The following AOPEP variants were observed in gnomAD, a reference collection of about 807,000 sequenced individuals.
AOPEP encodes aminopeptidase O (putative), also known as aminopeptidase O.
AOPEP carries 77 observed loss-of-function variants against 98.1 expected under a neutral mutation model. That is an observed-to-expected ratio of 0.78 (90% CI 0.65 to 0.95). The LOEUF is 0.95. AOPEP is among the 40% of genes least tolerant of loss of function. The pLI is 0.00. For missense variants in AOPEP, 1,024 were observed against 1,024.7 expected (o/e 1.00, Z 0.01); for synonymous variants, 346 against 365.3 (o/e 0.95, Z 0.60).
At chr9:94,741,395 C>T (rs1052503010) in intron 1 of AOPEP, among the ~76,000 whole-genome samples, 4 of 152,024 alleles carry the variant, frequency 2.6e-5, no homozygotes, top group Non-Finnish European at 5.9e-5. Flanking sequence ...GCTTCAGCCC[C>T]CCGAGTAGCT....
intron 5 of AOPEP, among the ~76,000 whole-genome samples, chr9:94,907,085 C>G (rs751344773): frequency 3.9e-5 from 6 of 152,094 alleles, no homozygotes; most frequent in African/African-American, 7.2e-5. Context: ...GAACAAAAGG[C>G]CACCACCCTC....
At chr9:95,110,303 T>C in the AOPEP span, 9 of 1,014,536 alleles carry the variant, frequency 8.9e-6, no homozygotes, top group East Asian at 6.8e-5. Flanking sequence ...TGTGATGGAA[T>C]TGAACACATA....
the AOPEP span, among the ~76,000 whole-genome samples, chr9:95,129,894 C>T: frequency 6.6e-6 from 1 of 152,174 alleles, no homozygotes; most frequent in Non-Finnish European, 1.5e-5. Context: ...TGTGCATCCC[C>T]TTGGGCTAAC....
At chr9:94,810,715 A>G (rs1236770374) in intron 5 of AOPEP, among the ~76,000 whole-genome samples, 1 of 152,196 alleles carries the variant, frequency 6.6e-6, no homozygotes, top group African/African-American at 2.4e-5. Context: ...AGAGCTAGTT[A>G]GATCATGAGG....
chr9:95,034,298 T>A (rs1035475444), intron 13 of AOPEP, among the ~76,000 whole-genome samples: 4 of 152,246 alleles, frequency 2.6e-5, no homozygotes, highest in Non-Finnish European at 5.9e-5. Flanking sequence ...AGGAGATCTT[T>A]GACAAGGGAA....
At chr9:94,838,466 A>G (rs558116744) in intron 5 of AOPEP, among the ~76,000 whole-genome samples, 1 of 152,164 alleles carries the variant, frequency 6.6e-6, no homozygotes, top group Non-Finnish European at 1.5e-5. Context: ...CTCTTCTATA[A>G]TAACACATCT....
intron 3 of AOPEP, among the ~76,000 whole-genome samples, chr9:94,780,366 C>T (rs2133119517): frequency 6.6e-6 from 1 of 151,262 alleles, no homozygotes. Flanking sequence ...TTTTTTTTTC[C>T]CCAAATTCCA....
chr9:94,858,351 G>T (rs1380687510), intron 5 of AOPEP, among the ~76,000 whole-genome samples: 1 of 142,838 alleles, frequency 7.0e-6, no homozygotes, highest in Admixed American at 7.4e-5. Context: ...TCCTGTGTCT[G>T]CTGTAACAAA....
chr9:95,133,688 A>G, the AOPEP span, among the ~76,000 whole-genome samples: 10 of 152,218 alleles, frequency 6.6e-5, no homozygotes, highest in Non-Finnish European at 1.5e-5. Context: ...AATAGGGAGA[A>G]GACTTAAGGA....
the AOPEP span, among the ~76,000 whole-genome samples, chr9:95,129,427 C>G: frequency 6.6e-6 from 1 of 151,950 alleles, no homozygotes; most frequent in African/African-American, 2.4e-5. Flanking sequence ...TATCTTCCCC[C>G]CTAAATCTCT....
chr9:94,957,447 A>T (rs1454074845), intron 9 of AOPEP, among the ~76,000 whole-genome samples: 1 of 152,170 alleles, frequency 6.6e-6, no homozygotes, highest in Non-Finnish European at 1.5e-5. Context: ...ACTTCAGGTG[A>T]TCTGCCCACC....
intron 13 of AOPEP, among the ~76,000 whole-genome samples, chr9:95,021,413 C>CACCT (rs1439715144): frequency 1.3e-5 from 2 of 152,226 alleles, no homozygotes. Context: ...TGGGAAAAGG[C>CACCT]ACCTGCCTTT....
At chr9:95,123,411 G>A in the AOPEP span, 4 of 453,642 alleles carry the variant, frequency 8.8e-6, no homozygotes, top group Middle Eastern at 3.4e-4. Flanking sequence ...AGGCCAAGGT[G>A]GGAAGATTGC....
At chr9:95,068,012 T>TTA (rs2068089345) in intron 14 of AOPEP, among the ~76,000 whole-genome samples, 2 of 152,362 alleles carry the variant, frequency 1.3e-5, no homozygotes, top group South Asian at 4.1e-4. Context: ...GCATATATCA[T>TTA]TACTTCATTC....
chr9:94,927,121 C>A (rs2054471167), intron 6 of AOPEP, among the ~76,000 whole-genome samples: 1 of 152,182 alleles, frequency 6.6e-6, no homozygotes, highest in Non-Finnish European at 1.5e-5. Context: ...TGCAGGTGGC[C>A]ACGAGCTGCT....
chr9:94,906,681 A>G (rs1421397346), intron 5 of AOPEP, among the ~76,000 whole-genome samples: 1 of 152,044 alleles, frequency 6.6e-6, no homozygotes, highest in Non-Finnish European at 1.5e-5. Flanking sequence ...AAACTTAAAA[A>G]ATATTTTTGT....
chr9:94,875,282 T>C (rs973127490), intron 5 of AOPEP, among the ~76,000 whole-genome samples: 1 of 148,252 alleles, frequency 6.7e-6, no homozygotes, highest in African/African-American at 2.5e-5. Flanking sequence ...ATGAAAGTAC[T>C]GTTTATATGT....
rs2067911013 is a variant in AOPEP, at chr9:95,066,542, GC to G, written c.2232+5733del. On this transcript the variant is annotated intron_variant, in intron 14 of 16. Coordinates refer to ENST00000375315, the MANE Select transcript of AOPEP (RefSeq NM_001193329.3). ...AAAGAGAGAGGGCATTTAATAGGTG[GC>G]TTTTAGCTACAGGTTCAGCCAGACT... Among the ~76,000 whole-genome samples the G allele has an allele frequency of 2.0e-5, 3 of 152,260 alleles. No individual in the cohort carries two copies. In the South Asian group the frequency reaches 6.2e-4, roughly 32 times the overall value.
chr9:94,733,867 C>T (rs895560618), intron 1 of AOPEP, among the ~76,000 whole-genome samples: 7 of 152,030 alleles, frequency 4.6e-5, no homozygotes, highest in African/African-American at 1.7e-4. Context: ...TTCAGTTTAC[C>T]ACATAGAATC....
Sources: gnomAD v4.1 joint callset for allele counts (sites outside exome capture counted in the v4.1 genomes callset) on GRCh38, gnomAD v4.1.1 for gene constraint, MANE v1.5 for transcripts, NCBI Gene and HGNC (gene_info 2026-07-23, HGNC 2026-07-21) for gene names.